The following SLC25A4 variants were observed in gnomAD, a reference collection of about 807,000 sequenced individuals.
SLC25A4 encodes the protein solute carrier family 25 member 4, also known as ADP/ATP translocase 1.
SLC25A4 carries 10 observed loss-of-function variants against 24.7 expected under a neutral mutation model. The ratio of observed to expected loss-of-function variants is 0.41; its 90% CI spans 0.25 to 0.69. The LOEUF is 0.69. Among genes scored for constraint, SLC25A4 ranks in the 30% least tolerant of loss-of-function variants. The probability of loss-of-function intolerance (pLI) is 0.35; values close to 1 mark genes in which losing one functional copy is unlikely to be tolerated. For synonymous variants in SLC25A4, 125 were observed against 153.3 expected (o/e 0.82, Z 1.36); for missense variants, 273 against 387.6 (o/e 0.70, Z 2.48).
Position 185,149,172 on chromosome 4 carries a change from C to T in SLC25A4, c.*2201C>T, listed in dbSNP as rs1029048060. 3 of 152,226 alleles carry T rather than the reference C, an allele frequency of 2.0e-5. No individual in the cohort carries two copies. Among genetic ancestry groups the T allele is most frequent in the African/African-American group, 7.2e-5 (3 of 41,434 alleles). The allele number at this position is 152,226 out of a possible 1,614,324, so 9.4% of individuals were successfully genotyped here. A position where few individuals can be genotyped will look rare whatever the true frequency, so the allele number is the denominator to read the frequency against. On this transcript the variant is annotated 3_prime_UTR_variant, in exon 4 of 4. Coordinates refer to ENST00000281456, the MANE Select transcript of SLC25A4 (RefSeq NM_001151.4). ...TGCTTTTCGTTCTAAGTGATCCAAA[C>T]TCTATTGCTGATAGGGAATAAAAGC...
rs2111285961 is a variant in SLC25A4, at chr4:185,145,187, G to A, written c.535G>A (p.Val179Ile). Reference protein sequence around the residue: ...GLRGLYQGFNVSVQGIIIYRA... With the variant: ...GLRGLYQGFNISVQGIIIYRA... Reference sequence around the variant, plus strand: ...GAGGGGGCTCTACCAGGGTTTCAACGTCTCTGTCCAAGGCATCATTATCTA... The same window carrying A: ...GAGGGGGCTCTACCAGGGTTTCAACATCTCTGTCCAAGGCATCATTATCTA... The change falls in exon 2 of 4, where the codon GTC becomes ATC. Residue 179 changes from valine to isoleucine, a missense_variant. Physicochemically the swap from Val to Ile is conservative, Grantham distance 29. Coordinates refer to ENST00000281456, the MANE Select transcript of SLC25A4 (RefSeq NM_001151.4). This position sits in a 1 kb window ranked among gnomAD's most constrained non-coding sequence, Gnocchi z 5.5. The A allele has an allele frequency of 1.2e-6, 2 of 1,614,052 alleles. No homozygotes were observed. The highest frequency in any genetic ancestry group is 1.7e-5 in the Admixed American group (1 of 59,994).
chr4:185,144,475 A>C (rs182828391), intron 1 of SLC25A4, among the ~76,000 whole-genome samples: 180 of 152,220 alleles, frequency 1.2e-3, no homozygotes, highest in Middle Eastern at 6.8e-3. Context: ...GAAATAAATA[A>C]ATGGCTATAG....
rs183128370 is a variant in SLC25A4, at chr4:185,143,289, C to A, written c.-84C>A. 5,998 of 749,178 alleles carry A rather than the reference C, an allele frequency of 8.0e-3. 167 individuals carry two copies. The highest frequency in any genetic ancestry group is 0.064 in the African/African-American group (3,447 of 54,028). The allele number at this position is 749,178 out of a possible 1,614,324, so 46.4% of individuals were successfully genotyped here. ...GCGGCCCCCTAGCGTCGCGCAGGGT[C>A]GGGGACTGCGCGGCGGTGCCAGGCC... is the stretch of plus-strand genomic sequence containing the variant. On this transcript the variant is annotated 5_prime_UTR_variant, in exon 1 of 4. Coordinates refer to ENST00000281456, the MANE Select transcript of SLC25A4 (RefSeq NM_001151.4).
In SLC25A4 at chr4:185,147,036, T is replaced by C; in HGVS notation, c.*65T>C. On this transcript the variant is annotated 3_prime_UTR_variant, in exon 4 of 4. Transcript: ENST00000281456. ...GATCTACAAGTTCACAGATCCATTGTGTGGTTTAATAGACTATTCCTAGGG... is the reference window on the plus strand; with the variant it reads ...GATCTACAAGTTCACAGATCCATTGCGTGGTTTAATAGACTATTCCTAGGG... The C allele has an allele frequency of 1.4e-6, 2 of 1,465,896 alleles. No homozygotes were observed. The highest frequency in any genetic ancestry group is 1.9e-6 in the Non-Finnish European group (2 of 1,054,184). The allele number at this position is 1,465,896 out of a possible 1,614,324, so 90.8% of individuals were successfully genotyped here. A position where few individuals can be genotyped will look rare whatever the true frequency, so the allele number is the denominator to read the frequency against.
rs1204778863 is a variant in SLC25A4, at chr4:185,148,193, G to A, written c.*1222G>A. On this transcript the variant is annotated 3_prime_UTR_variant, in exon 4 of 4. Transcript: ENST00000281456. ...CTTGTATCCTTACATGGCAGAAAGA[G>A]CGACAGAGCTCTCTGTAGTCCCTTT... The A allele has an allele frequency of 6.6e-6, 1 of 152,056 alleles. No individual in the cohort carries two copies. The highest frequency in any genetic ancestry group is 1.5e-5 in the Non-Finnish European group (1 of 68,014). 9.4% of individuals were successfully genotyped at this position (152,056 alleles called of 1,614,324 possible).
rs778649490 is a variant in SLC25A4 at position 185,144,756 on chromosome 4, TCCA to T, written c.112-4_112-2del. ...CTGTCCTCTGTCACCCACCCTCCCC[TCCA>T]CCAGGTCCAGCATGCCAGCAAACAG... On this transcript the variant is annotated splice_region_variant and splice_polypyrimidine_tract_variant and intron_variant, in intron 1 of 3. Coordinates refer to ENST00000281456, the MANE Select transcript of SLC25A4 (RefSeq NM_001151.4). 1.6e-5 allele frequency: 25 copies of T among 1,611,074 alleles called. No homozygotes were observed. The highest frequency in any genetic ancestry group is 2.1e-5 in the Non-Finnish European group (25 of 1,178,932).
rs753029385 is a variant in SLC25A4 at position 185,145,766 on chromosome 4, G to A, written c.606G>A (p.Leu202=). 1 of 1,614,112 alleles carries A rather than the reference G, an allele frequency of 6.2e-7. No individual in the cohort carries two copies. Among genetic ancestry groups the A allele is most frequent in the East Asian group, 2.2e-5 (1 of 44,900 alleles). ...FGVYDTAKGM[L]PDPKNVHIFV... ...TCTGGGCTCTGTCCACAGGGATGCTGCCTGACCCCAAGAACGTGCACATTT... is the reference window on the plus strand; with the variant it reads ...TCTGGGCTCTGTCCACAGGGATGCTACCTGACCCCAAGAACGTGCACATTT... Residue 202 remains leucine (L), a synonymous_variant, in exon 3 of 4, where the codon CTG becomes CTA. Transcript: ENST00000281456. This position sits in a 1 kb window ranked among gnomAD's most constrained non-coding sequence, Gnocchi z 5.5.
At chr4:185,144,337 G>GTGAC (rs1734398593) in intron 1 of SLC25A4, among the ~76,000 whole-genome samples, 1 of 152,146 alleles carries the variant, frequency 6.6e-6, no homozygotes, top group African/African-American at 2.4e-5. Flanking sequence ...GGTGATCAGA[G>GTGAC]TGACACTGAG....
rs1734376768 is a variant in SLC25A4 at position 185,143,301 on chromosome 4, G to A, written c.-72G>A. ...CGTCGCGCAGGGTCGGGGACTGCGC[G>A]GCGGTGCCAGGCCGGGCGTGGGCGA... On this transcript the variant is annotated 5_prime_UTR_variant, in exon 1 of 4. Coordinates refer to ENST00000281456, the MANE Select transcript of SLC25A4 (RefSeq NM_001151.4). 3 of 875,644 alleles carry A rather than the reference G, an allele frequency of 3.4e-6. No individual in the cohort carries two copies. The South Asian group carries it at 4.4e-5, about 13-fold the overall frequency. 54.2% of individuals were successfully genotyped at this position (875,644 alleles called of 1,614,324 possible). A position where few individuals can be genotyped will look rare whatever the true frequency, so the allele number is the denominator to read the frequency against.
rs1734425983 is a variant in SLC25A4 at position 185,145,471 on chromosome 4, G to T, written c.598+221G>T. 2.7e-6 allele frequency: 2 copies of T among 737,330 alleles called. No individual in the cohort carries two copies. The highest frequency in any genetic ancestry group is 4.3e-6 in the Non-Finnish European group (2 of 460,142). 45.7% of individuals were successfully genotyped at this position (737,330 alleles called of 1,614,324 possible). A position where few individuals can be genotyped will look rare whatever the true frequency, so the allele number is the denominator to read the frequency against. On this transcript the variant is annotated intron_variant, in intron 2 of 3. Coordinates refer to ENST00000281456, the MANE Select transcript of SLC25A4 (RefSeq NM_001151.4). This position sits in a 1 kb window ranked among gnomAD's most constrained non-coding sequence, Gnocchi z 5.5. ...TGGCCTTTAGTTATTCAGAGAGGAG[G>T]AGGGGGGAGCCTGTCTCCCTCTAGA... is the stretch of plus-strand genomic sequence containing the variant.
Position 185,145,834 on chromosome 4 carries a change from G to A in SLC25A4, c.674G>A (p.Gly225Glu). The A allele has an allele frequency of 1.2e-6, 2 of 1,614,206 alleles. No individual in the cohort carries two copies. ...GCCCAGAGTGTGACGGCAGTCGCAG[G>A]GCTGGTGTCCTACCCCTTTGACACT... ...MIAQSVTAVA[G>E]LVSYPFDTVR... Residue 225 changes from glycine to glutamate, a missense_variant, in exon 3 of 4, where the codon GGG (glycine) becomes GAG (glutamate). Transcript: ENST00000281456. This position sits in a 1 kb window ranked among gnomAD's most constrained non-coding sequence, Gnocchi z 5.5.
chr4:185,148,459 G>T lies in SLC25A4; in HGVS notation c.*1488G>T, dbSNP rs1252250243. ...AAAGATGCTTCAGTTGGGGAGAAAAGGTGAAATTCCATTGTTAGACAATTT... is the reference window on the plus strand; with the variant it reads ...AAAGATGCTTCAGTTGGGGAGAAAATGTGAAATTCCATTGTTAGACAATTT... On this transcript the variant is annotated 3_prime_UTR_variant, in exon 4 of 4. Transcript: ENST00000281456. The T allele has an allele frequency of 1.3e-5, 2 of 152,142 alleles. No homozygotes were observed. The highest frequency in any genetic ancestry group is 2.9e-5 in the Non-Finnish European group (2 of 68,034). The allele number at this position is 152,142 out of a possible 1,614,324, so 9.4% of individuals were successfully genotyped here.
Position 185,144,882 on chromosome 4 carries a change from A to G in SLC25A4, c.230A>G (p.Asn77Ser). The change falls in exon 2 of 4, where the codon AAC becomes AGC. Residue 77 changes from asparagine to serine, a missense_variant. Coordinates refer to ENST00000281456, the MANE Select transcript of SLC25A4 (RefSeq NM_001151.4). ...FLSFWRGNLA[N>S]VIRYFPTQAL... Reference sequence around the variant, plus strand: ...TCCTTCTGGAGGGGTAACCTGGCCAACGTGATCCGTTACTTCCCCACCCAA... The same window carrying G: ...TCCTTCTGGAGGGGTAACCTGGCCAGCGTGATCCGTTACTTCCCCACCCAA... 1 of 1,614,190 alleles carries G rather than the reference A, an allele frequency of 6.2e-7. No individual in the cohort carries two copies. Among genetic ancestry groups the G allele is most frequent in the Non-Finnish European group, 8.5e-7 (1 of 1,180,036 alleles).
In SLC25A4 at chr4:185,144,905, C is replaced by T. The variant is rs1163573848; in HGVS notation, c.253C>T (p.Gln85Ter). 1.4e-5 allele frequency: 22 copies of T among 1,614,062 alleles called. No homozygotes were observed. The highest frequency in any genetic ancestry group is 1.9e-5 in the Non-Finnish European group (22 of 1,180,022). ...CAACGTGATCCGTTACTTCCCCACC[C>T]AAGCTCTCAACTTCGCCTTCAAGGA... ...LANVIRYFPT[Q>*]ALNFAFKDKY... Residue 85 changes from glutamine (Q) to a stop codon, truncating the protein, a stop_gained, in exon 2 of 4, where the codon CAA becomes TAA. Coordinates refer to ENST00000281456, the MANE Select transcript of SLC25A4 (RefSeq NM_001151.4). LOFTEE classifies it high-confidence loss of function.
chr4:185,145,963 C>T lies in SLC25A4; in HGVS notation c.739+64C>T, dbSNP rs1579210417. The T allele has an allele frequency of 1.3e-6, 2 of 1,576,130 alleles. No homozygotes were observed. The highest frequency in any genetic ancestry group is 1.7e-6 in the Non-Finnish European group (2 of 1,149,452). ...TGCCCGAGGAGAACATTTTACAGGG[C>T]TCCTTTCAGTCTTCCTTACTGGAAA... On this transcript the variant is annotated intron_variant, in intron 3 of 3. Transcript: ENST00000281456. The surrounding 1 kb of genome is among the most constrained non-coding windows in gnomAD (Gnocchi z 5.5).
chr4:185,147,676 A>C lies in SLC25A4; in HGVS notation c.*705A>C, dbSNP rs1183559556. ...ACACCTAGAATTTTATGTTAAGTAG[A>C]GAGTATTCATTGAAAATCAAGGCCA... On this transcript the variant is annotated 3_prime_UTR_variant, in exon 4 of 4. Coordinates refer to ENST00000281456, the MANE Select transcript of SLC25A4 (RefSeq NM_001151.4). The C allele has an allele frequency of 6.6e-6, 1 of 152,292 alleles. No individual in the cohort carries two copies. Among genetic ancestry groups the C allele is most frequent in the African/African-American group, 2.4e-5 (1 of 41,420 alleles). 9.4% of individuals were successfully genotyped at this position (152,292 alleles called of 1,614,324 possible). A position where few individuals can be genotyped will look rare whatever the true frequency, so the allele number is the denominator to read the frequency against.
rs543776455 is a variant in SLC25A4 at position 185,146,781 on chromosome 4, T to C, written c.740-33T>C. The C allele has an allele frequency of 7.7e-5, 124 of 1,613,780 alleles. No homozygotes were observed. The Middle Eastern group carries it at 8.3e-4, about 11-fold the overall frequency. On this transcript the variant is annotated intron_variant, in intron 3 of 3. Transcript: ENST00000281456. ...GGGGAAAAGTCTCTTTCCTCCAGCGTTACGGAGCCCTCACCAGCATTTGTT... is the reference window on the plus strand; with the variant it reads ...GGGGAAAAGTCTCTTTCCTCCAGCGCTACGGAGCCCTCACCAGCATTTGTT...
Position 185,144,802 on chromosome 4 carries a change from G to C in SLC25A4, c.150G>C (p.Gln50His). 1 of 1,614,046 alleles carries C rather than the reference G, an allele frequency of 6.2e-7. No homozygotes were observed. The highest frequency in any genetic ancestry group is 8.5e-7 in the Non-Finnish European group (1 of 1,180,020). Residue 50 changes from glutamine (Q) to histidine (H), a missense_variant, in exon 2 of 4, where the codon CAG (glutamine) becomes CAC (histidine). Gln to His is a conservative substitution (Grantham distance 24). Coordinates refer to ENST00000281456, the MANE Select transcript of SLC25A4 (RefSeq NM_001151.4). ...GCAAACAGATCAGTGCTGAGAAGCA[G>C]TACAAAGGGATCATTGATTGTGTGG... Reference protein sequence around the residue: ...HASKQISAEKQYKGIIDCVVR... With the variant: ...HASKQISAEKHYKGIIDCVVR...
chr4:185,145,016 G>A lies in SLC25A4; in HGVS notation c.364G>A (p.Ala122Thr). 1 of 1,614,186 alleles carries A rather than the reference G, an allele frequency of 6.2e-7. No homozygotes were observed. Among genetic ancestry groups the A allele is most frequent in the Non-Finnish European group, 8.5e-7 (1 of 1,180,030 alleles). The change falls in exon 2 of 4, where the codon GCC (alanine) becomes ACC (threonine). Residue 122 changes from alanine to threonine, a missense_variant. Transcript: ENST00000281456. The surrounding 1 kb of genome is among the most constrained non-coding windows in gnomAD (Gnocchi z 5.5). Reference sequence around the variant, plus strand: ...TGCTGGTAACCTGGCGTCCGGTGGGGCCGCTGGGGCCACCTCCCTTTGCTT... The same window carrying A: ...TGCTGGTAACCTGGCGTCCGGTGGGACCGCTGGGGCCACCTCCCTTTGCTT... ...YFAGNLASGG[A>T]AGATSLCFVY... is the part of the protein sequence containing the mutation.
Sources: gnomAD v4.1 joint callset for allele counts (sites outside exome capture counted in the v4.1 genomes callset) on GRCh38, gnomAD v4.1.1 for gene constraint, Gnocchi (gnomAD v3.1) non-coding constraint, MANE v1.5 for transcripts, NCBI Gene and HGNC (gene_info 2026-07-23, HGNC 2026-07-21) for gene names.